Variants in PCDHA9 observed in about 807,000 individuals in gnomAD.
PCDHA9 encodes the protein protocadherin alpha-9.
PCDHA9 carries 62 observed loss-of-function variants against 62.0 expected under a neutral mutation model. The observed-to-expected ratio is 1.00, with a 90% CI of 0.81 to 1.23. The LOEUF is 1.23. Among genes scored for constraint, PCDHA9 ranks in the 50% most tolerant of loss-of-function variants. PCDHA9 has a pLI of 0.00. For missense variants in PCDHA9, 1,205 were observed against 1,249.8 expected, an observed-to-expected ratio of 0.96 and a Z score of 0.54; for synonymous variants, 557 against 567.6, an observed-to-expected ratio of 0.98 and a Z score of 0.27.
intron 1 of PCDHA9, among the ~76,000 whole-genome samples, chr5:140,918,556 G>A (rs1584104800): frequency 2.0e-5 from 3 of 152,302 alleles, no homozygotes; most frequent in Non-Finnish European, 4.4e-5. Context: ...CAATTGAGAA[G>A]AATGTATATT....
chr5:140,907,914 T>A (rs2073690399), intron 1 of PCDHA9, among the ~76,000 whole-genome samples: 4 of 152,242 alleles, frequency 2.6e-5, no homozygotes, highest in Admixed American at 1.3e-4. Context: ...TTTTGACCAC[T>A]CAGAGAGGTC....
In PCDHA9 at chr5:140,963,375, C is replaced by A. The variant is rs1425392684; in HGVS notation, c.2395-15574C>A. On this transcript the variant is annotated intron_variant, in intron 1 of 3. Transcript: ENST00000532602. ...CTTTTCAAAGAACATTAATTGAGCA[C>A]CTCTGTGCCAAGCTCCCTACTGGAT... is the stretch of plus-strand genomic sequence containing the variant. Among the ~76,000 whole-genome samples, 15 of 152,176 alleles carry A rather than the reference C, an allele frequency of 9.9e-5. 1 individual carries two copies. The highest frequency in any genetic ancestry group is 5.2e-4 in the Admixed American group (8 of 15,290).
rs370307660 is a variant in PCDHA9 at position 140,924,901 on chromosome 5, A to T, written c.2395-54048A>T. On this transcript the variant is annotated intron_variant, in intron 1 of 3. Transcript: ENST00000532602. The stretch of plus-strand genomic sequence containing the variant: ...CAGAGCAAGAACCTGTCTCAAAAAA[A>T]AAAATAAAATAAAATAAAATAAAAT... Among the ~76,000 whole-genome samples, 368 of 80,482 alleles carry T rather than the reference A, an allele frequency of 4.6e-3. 1 individual carries two copies. Among genetic ancestry groups the T allele is most frequent in the East Asian group, 9.1e-3 (17 of 1,868 alleles). The allele number at this position is 80,482 out of a possible 152,430, so 52.8% of individuals were successfully genotyped here. A position where few individuals can be genotyped will look rare whatever the true frequency, so the allele number is the denominator to read the frequency against.
chr5:140,906,377 A>G (rs1322510294), intron 1 of PCDHA9, among the ~76,000 whole-genome samples: 3 of 152,264 alleles, frequency 2.0e-5, no homozygotes, highest in Admixed American at 6.5e-5. Flanking sequence ...ATGCTATTAC[A>G]TAAAGTTAAC....
chr5:140,876,803 A>G lies in PCDHA9; in HGVS notation c.2394+25914A>G, dbSNP rs201565376. The G allele has an allele frequency of 1.6e-4, 261 of 1,614,140 alleles. 4 individuals are homozygous for G. In the East Asian group the frequency reaches 3.7e-3, roughly 23 times the overall value. On this transcript the variant is annotated intron_variant, in intron 1 of 3. Coordinates refer to ENST00000532602, the MANE Select transcript of PCDHA9 (RefSeq NM_031857.2). ...TGGGCCACGGCTAGAGTGTCCGTGG[A>G]GGTGGCCGACGTGAACGACAATGCG...
At chr5:141,008,434 A>G (rs1466409442) in intron 3 of PCDHA9, among the ~76,000 whole-genome samples, 2 of 152,196 alleles carry the variant, frequency 1.3e-5, no homozygotes, top group Admixed American at 6.5e-5. Context: ...CACTTTGCCC[A>G]GACAGACCAT....
chr5:140,869,439 G>A (rs1554163055), intron 1 of PCDHA9: 1 of 1,614,212 alleles, frequency 6.2e-7, no homozygotes. Flanking sequence ...TCGTGGACAG[G>A]CCGCTGCAGG....
At chr5:140,869,526 G>C (rs1363521095) in intron 1 of PCDHA9, 1 of 1,614,194 alleles carries the variant, frequency 6.2e-7, no homozygotes, top group Non-Finnish European at 8.5e-7. Context: ...AAAAGCTGCT[G>C]ATTGCGGAAT....
chr5:140,901,168 C>G (rs782138220), intron 1 of PCDHA9, among the ~76,000 whole-genome samples: 8 of 152,010 alleles, frequency 5.3e-5, no homozygotes, highest in Non-Finnish European at 8.8e-5. Flanking sequence ...GTTGTCTCTT[C>G]ACTTTGTTGA....
chr5:140,954,488 T>C (rs1270188262), intron 1 of PCDHA9, among the ~76,000 whole-genome samples: 1 of 152,246 alleles, frequency 6.6e-6, no homozygotes, highest in Non-Finnish European at 1.5e-5. Flanking sequence ...AGATATTTCA[T>C]TGTGGTTTTG....
chr5:140,875,407 A>G (rs2055457272), intron 1 of PCDHA9: 2 of 1,497,672 alleles, frequency 1.3e-6, no homozygotes, highest in Non-Finnish European at 1.8e-6. Flanking sequence ...GACTGCTCAT[A>G]AAATACCTCA....
At position 140,856,143 on chromosome 5, in the gene PCDHA9, A is replaced by G. The variant is rs782449893; in HGVS notation, c.2394+5254A>G. 6 of 1,598,020 alleles carry G rather than the reference A, an allele frequency of 3.8e-6. 1 individual carries two copies. The South Asian group carries it at 6.6e-5, about 18-fold the overall frequency. On this transcript the variant is annotated intron_variant, in intron 1 of 3. Coordinates refer to ENST00000532602, the MANE Select transcript of PCDHA9 (RefSeq NM_031857.2). ...GAGGTGGGGAGCGGCCAGCTCCACTACTCAGTCTACGAGGAGGCCAGACAC... is the reference window on the plus strand; with the variant it reads ...GAGGTGGGGAGCGGCCAGCTCCACTGCTCAGTCTACGAGGAGGCCAGACAC...
At chr5:140,978,587 T>C (rs1260706970) in intron 1 of PCDHA9, among the ~76,000 whole-genome samples, 5 of 152,250 alleles carry the variant, frequency 3.3e-5, no homozygotes, top group Admixed American at 6.5e-5. Context: ...GAATGTTCCC[T>C]TAATGGGGCA....
At position 140,857,227 on chromosome 5, in the gene PCDHA9, G is replaced by T. The variant is rs148283153; in HGVS notation, c.2394+6338G>T. On this transcript the variant is annotated intron_variant, in intron 1 of 3. Transcript: ENST00000532602. ...CCTGCTCTCTGACGCCTCACGTTCC[G>T]TTCAAGCTGGTGTCCACCTACAAGA... is the stretch of plus-strand genomic sequence containing the variant. The T allele has an allele frequency of 7.5e-6, 12 of 1,598,330 alleles. No homozygotes were observed. In the African/African-American group the frequency reaches 1.5e-4, roughly 20 times the overall value.
chr5:140,967,391 C>T, intron 1 of PCDHA9: 1 of 1,609,676 alleles, frequency 6.2e-7, no homozygotes, highest in South Asian at 1.1e-5. Flanking sequence ...AGTGCTTGAG[C>T]TGGTGCTGCG....
At chr5:140,859,918 G>A (rs2046091009) in intron 1 of PCDHA9, 1 of 151,762 alleles carries the variant, frequency 6.6e-6, no homozygotes, top group Admixed American at 6.6e-5. Flanking sequence ...TATATTATAA[G>A]TAATATAAAA....
chr5:140,871,372 G>A lies in PCDHA9; in HGVS notation c.2394+20483G>A. 7 of 1,614,234 alleles carry A rather than the reference G, an allele frequency of 4.3e-6. No homozygotes were observed. The highest frequency in any genetic ancestry group is 5.9e-6 in the Non-Finnish European group (7 of 1,180,036). On this transcript the variant is annotated intron_variant, in intron 1 of 3. Coordinates refer to ENST00000532602, the MANE Select transcript of PCDHA9 (RefSeq NM_031857.2). Reference sequence around the variant, plus strand: ...ATACTCGCAGCAGAGGCGGCAGAGGGTGTGCTCTGAGGAGGGCCCACCTAA... The same window carrying A: ...ATACTCGCAGCAGAGGCGGCAGAGGATGTGCTCTGAGGAGGGCCCACCTAA...
At chr5:140,877,239 C>G (rs2056959197) in intron 1 of PCDHA9, 1 of 1,613,668 alleles carries the variant, frequency 6.2e-7, no homozygotes, top group Non-Finnish European at 8.5e-7. Context: ...GTGCGGGCCA[C>G]GTGGTGGCGA....
At chr5:140,947,234 AAAAAT>A (rs1164220377) in intron 1 of PCDHA9, among the ~76,000 whole-genome samples, 3 of 151,602 alleles carry the variant, frequency 2.0e-5, no homozygotes, top group Non-Finnish European at 3.0e-5. Flanking sequence ...GACAGGAAAA[AAAAAT>A]AAGATAATCC....
Sources: gnomAD v4.1 joint callset for allele counts (sites outside exome capture counted in the v4.1 genomes callset) on GRCh38, gnomAD v4.1.1 for gene constraint, MANE v1.5 for transcripts, NCBI Gene and HGNC (gene_info 2026-07-23, HGNC 2026-07-21) for gene names.